COLEC11: variants seen among roughly 807,000 people sequenced by gnomAD.
COLEC11 encodes the protein collectin subfamily member 11, also known as collectin-11.
Under a neutral mutation model 27.3 loss-of-function variants are expected in COLEC11, and 20 were observed. That is an observed-to-expected ratio of 0.73 (90% CI 0.51 to 1.06). The LOEUF (loss-of-function observed/expected upper bound fraction) is 1.06, where lower values mean the gene tolerates loss of function less well. Ranked by LOEUF, COLEC11 falls within the 50% of genes least tolerant of loss-of-function variation. The probability of loss-of-function intolerance (pLI) is 0.00; values close to 1 mark genes in which losing one functional copy is unlikely to be tolerated. For synonymous variants in COLEC11, 163 were observed against 154.7 expected (o/e 1.05, Z -0.40); for missense variants, 310 against 383.0 (o/e 0.81, Z 1.59).
chr2:3,633,287 A>G (rs906355285), intron 3 of COLEC11, among the ~76,000 whole-genome samples: 2 of 152,216 alleles, frequency 1.3e-5, no homozygotes, highest in Non-Finnish European at 2.9e-5. Context: ...GGAAAGACTT[A>G]TTAGTGGTTC....
chr2:3,641,013 T>C (rs577913594), intron 5 of COLEC11, among the ~76,000 whole-genome samples: 9 of 76,596 alleles, frequency 1.2e-4, no homozygotes, highest in African/African-American at 3.7e-4. Context: ...GACCCCACGG[T>C]GGACACCCAC....
intron 1 of COLEC11, chr2:3,603,330 T>C (rs1025291413): frequency 5.0e-6 from 1 of 201,160 alleles, no homozygotes; most frequent in African/African-American, 2.3e-5. Flanking sequence ...ATATTTTATT[T>C]TTTTTTGGGA....
chr2:3,609,352 ATTTTT>A (rs567474674), intron 2 of COLEC11, among the ~76,000 whole-genome samples: 1,106 of 86,414 alleles, frequency 0.013, 8 homozygotes, highest in African/African-American at 0.065. Context: ...TTTTTCTTTG[ATTTTT>A]TTTTTTTTTT....
At chr2:3,624,932 C>G (rs1374330411) in intron 3 of COLEC11, among the ~76,000 whole-genome samples, 1 of 152,166 alleles carries the variant, frequency 6.6e-6, no homozygotes, top group Non-Finnish European at 1.5e-5. Context: ...CTCTGCCATC[C>G]TGCGAGTAAG....
chr2:3,643,715 C>CT lies in COLEC11; in HGVS notation c.425-10dup. 2 of 1,613,580 alleles carry CT rather than the reference C, an allele frequency of 1.2e-6. No individual in the cohort carries two copies. Among genetic ancestry groups the CT allele is most frequent in the Non-Finnish European group, 1.7e-6 (2 of 1,179,938 alleles). ...ACAAGTGCTCACTTTTCAACCCTGC[C>CT]TTACCCCACAGCTGTCGCCGGTGTG... is the stretch of plus-strand genomic sequence containing the variant. On this transcript the variant is annotated splice_polypyrimidine_tract_variant and intron_variant, in intron 6 of 6. Transcript: ENST00000349077.
chr2:3,606,509 T>G (rs984712404), intron 2 of COLEC11, among the ~76,000 whole-genome samples: 8 of 152,084 alleles, frequency 5.3e-5, no homozygotes, highest in Non-Finnish European at 1.0e-4. Context: ...TCCGTGAGGT[T>G]GGGGAGGCGA....
intron 2 of COLEC11, chr2:3,605,929 C>T (rs1662654328): frequency 1.2e-6 from 1 of 810,454 alleles, no homozygotes; most frequent in Non-Finnish European, 1.9e-6. Flanking sequence ...ACCAAGTGGA[C>T]TGTCCTGCAG....
At chr2:3,617,891 G>A (rs1164870694) in intron 3 of COLEC11, 3 of 516,540 alleles carry the variant, frequency 5.8e-6, no homozygotes, top group Non-Finnish European at 7.0e-6. Flanking sequence ...CATCCTAACA[G>A]GTGTGAGGTA....
chr2:3,597,568 C>T (rs544571055), intron 1 of COLEC11, among the ~76,000 whole-genome samples: 80 of 152,054 alleles, frequency 5.3e-4, no homozygotes, highest in Non-Finnish European at 1.0e-3. Context: ...GGGACATCTG[C>T]GGAGTGAGGG....
chr2:3,602,514 C>T lies in COLEC11; in HGVS notation c.-26-1801C>T, dbSNP rs1268443682. ...TGCTTCCAGACTGCATCCCATACCT[C>T]TGTCATCACCTCCACCCACACGTGG... On this transcript the variant is annotated intron_variant, in intron 1 of 6. Transcript: ENST00000349077. The surrounding 1 kb of genome is among the most constrained non-coding windows in gnomAD (Gnocchi z 6.2). Among the ~76,000 whole-genome samples the T allele has an allele frequency of 6.6e-6, 1 of 152,198 alleles. No individual in the cohort carries two copies. The highest frequency in any genetic ancestry group is 1.5e-5 in the Non-Finnish European group (1 of 68,044).
intron 5 of COLEC11, 82 bp from the exon 6 acceptor site, chr2:3,643,362 A>G (rs1157698706): frequency 4.2e-6 from 5 of 1,177,980 alleles, no homozygotes; most frequent in Admixed American, 3.4e-5. Context: ...TAAAATGTGC[A>G]TTTCCGGGGA....
chr2:3,623,405 A>G (rs1664313254), intron 3 of COLEC11, among the ~76,000 whole-genome samples: 1 of 152,132 alleles, frequency 6.6e-6, no homozygotes, highest in Non-Finnish European at 1.5e-5. Flanking sequence ...ATATTCTCCT[A>G]ATACAACTTC....
chr2:3,603,752 GTTCCT>G, intron 1 of COLEC11: 1 of 1,332,976 alleles, frequency 7.5e-7, no homozygotes, highest in Non-Finnish European at 1.1e-6. Context: ...AGGCCCCTGG[GTTCCT>G]AAGGCCGGGG....
chr2:3,601,752 G>GC (rs1423295826), intron 1 of COLEC11, among the ~76,000 whole-genome samples: 1 of 152,114 alleles, frequency 6.6e-6, no homozygotes, highest in Non-Finnish European at 1.5e-5. Context: ...CCCTGGCTCC[G>GC]CCCTAACTCT....
intron 2 of COLEC11, chr2:3,606,083 G>T (rs1344595342): frequency 3.9e-6 from 6 of 1,550,054 alleles, no homozygotes; most frequent in Non-Finnish European, 5.2e-6. Flanking sequence ...CTTTGGCCCT[G>T]ACTTTGTGGT....
intron 2 of COLEC11, among the ~76,000 whole-genome samples, chr2:3,607,464 T>TTTTTTTTTA (rs1662820201): frequency 1.6e-4 from 23 of 147,476 alleles, no homozygotes; most frequent in South Asian, 4.4e-4. Context: ...TTTTTTTTTT[T>TTTTTTTTTA]GAGATGGAGT....
chr2:3,627,329 TGAC>T (rs1342475966), intron 3 of COLEC11, among the ~76,000 whole-genome samples: 10 of 131,358 alleles, frequency 7.6e-5, no homozygotes, highest in East Asian at 2.2e-4. Flanking sequence ...ACGGGGGGCA[TGAC>T]GATGGGGTGG....
In COLEC11 at chr2:3,611,444, C is replaced by T. The variant is rs984924872; in HGVS notation, c.131-1867C>T. 6.6e-5 allele frequency among the ~76,000 whole-genome samples: 10 copies of T among 152,374 alleles called. No homozygotes were observed. In the South Asian group the frequency reaches 1.4e-3, roughly 22 times the overall value. ...GCACAGTCAGCGTCCGGCTGCTCCA[C>T]TGTTCCGTCTTCTCTGTTCTTTCTT... On this transcript the variant is annotated intron_variant, in intron 2 of 6. Transcript: ENST00000349077.
intron 1 of COLEC11, among the ~76,000 whole-genome samples, chr2:3,596,337 A>ATT (rs369478323): frequency 0.012 from 1,597 of 132,726 alleles, 31 homozygotes; most frequent in African/African-American, 0.019. Flanking sequence ...TGTCTATTTC[A>ATT]TTTTTTTTTT....
Sources: allele counts gnomAD v4.1 joint callset (sites outside exome capture counted in the v4.1 genomes callset), GRCh38; gene constraint gnomAD v4.1.1; non-coding constraint Gnocchi (gnomAD v3.1); transcripts MANE v1.5; gene names NCBI Gene and HGNC (gene_info 2026-07-23, HGNC 2026-07-21).